CHN1: variants seen among roughly 807,000 people sequenced by gnomAD.
CHN1 encodes N-chimaerin.
Under a neutral mutation model 59.5 loss-of-function variants are expected in CHN1, and 37 were observed. The ratio of observed to expected loss-of-function variants is 0.62; its 90% CI spans 0.48 to 0.82. CHN1 has a LOEUF of 0.82. Ranked by LOEUF, CHN1 falls within the 40% of genes least tolerant of loss-of-function variation. The pLI is 0.00. For missense variants in CHN1, 469 were observed against 571.0 expected (o/e 0.82, Z 1.82); for synonymous variants, 206 against 200.4 (o/e 1.03, Z -0.24).
At chr2:174,895,452 G>A (rs1688191986) in intron 5 of CHN1, among the ~76,000 whole-genome samples, 1 of 151,978 alleles carries the variant, frequency 6.6e-6, no homozygotes, top group Non-Finnish European at 1.5e-5. Context: ...TGTTCAATGG[G>A]TACAGATTTT....
At position 175,005,161 on chromosome 2, in the gene CHN1, T is replaced by A. The variant is rs1370125539; in HGVS notation, c.-249A>T. On this transcript the variant is annotated 5_prime_UTR_variant, in exon 1 of 13. The change creates a new upstream start codon in the 5' untranslated region. Transcript: ENST00000409900. Reference sequence around the variant, plus strand: ...CCGCTAGCTCTCCGCGAGCCGGCACTTGTCGCTGCCATCAGGCGCGGAGCG... The same window carrying A: ...CCGCTAGCTCTCCGCGAGCCGGCACATGTCGCTGCCATCAGGCGCGGAGCG... The A allele has an allele frequency of 7.8e-7, 1 of 1,280,740 alleles. No individual in the cohort carries two copies. The highest frequency in any genetic ancestry group is 4.3e-5 in the Admixed American group (1 of 23,352). The allele number at this position is 1,280,740 out of a possible 1,614,324, so 79.3% of individuals were successfully genotyped here. A position where few individuals can be genotyped will look rare whatever the true frequency, so the allele number is the denominator to read the frequency against.
rs376934728 is a variant in CHN1, at chr2:174,824,426, G to A, written c.712+8C>T. The stretch of plus-strand genomic sequence containing the variant: ...GACTCAATCCAGAGACAAGACAAGA[G>A]CTCTTACCTGCACATTTCACTCCCT... On this transcript the variant is annotated splice_region_variant and intron_variant, in intron 8 of 12. Coordinates refer to ENST00000409900, the MANE Select transcript of CHN1 (RefSeq NM_001822.7). 10 of 1,593,736 alleles carry A rather than the reference G, an allele frequency of 6.3e-6. No individual in the cohort carries two copies. The highest frequency in any genetic ancestry group is 4.5e-5 in the East Asian group (2 of 44,434).
At chr2:174,922,553 T>G (rs1689044735) in intron 3 of CHN1, among the ~76,000 whole-genome samples, 1 of 152,068 alleles carries the variant, frequency 6.6e-6, no homozygotes, top group Non-Finnish European at 1.5e-5. Flanking sequence ...ATTTTTTTGG[T>G]GGTGGCACAT....
At chr2:174,944,331 C>T (rs1233246091) in intron 3 of CHN1, among the ~76,000 whole-genome samples, 1 of 152,160 alleles carries the variant, frequency 6.6e-6, no homozygotes, top group Non-Finnish European at 1.5e-5. Context: ...TGCCTGTTTC[C>T]TCACAGGCTT....
intron 6 of CHN1, among the ~76,000 whole-genome samples, chr2:174,867,978 A>C (rs1007945079): frequency 3.3e-5 from 5 of 152,228 alleles, no homozygotes; most frequent in African/African-American, 1.2e-4. Flanking sequence ...AAAAGTGTAC[A>C]TTAATCTATG....
At chr2:174,867,126 C>T (rs1687241446) in intron 6 of CHN1, among the ~76,000 whole-genome samples, 1 of 150,314 alleles carries the variant, frequency 6.7e-6, no homozygotes, top group Non-Finnish European at 1.5e-5. Context: ...GTAATCCTAG[C>T]ACTTTGGGAG....
chr2:174,957,768 C>T (rs192422242), intron 1 of CHN1, among the ~76,000 whole-genome samples: 1 of 151,880 alleles, frequency 6.6e-6, no homozygotes, highest in Non-Finnish European at 1.5e-5. Flanking sequence ...GACTGGGACC[C>T]TATCTAGTAA....
chr2:174,953,590 T>C (rs910440820), intron 1 of CHN1, among the ~76,000 whole-genome samples: 1 of 152,154 alleles, frequency 6.6e-6, no homozygotes, highest in Admixed American at 6.5e-5. Context: ...CCAAAGTTAA[T>C]GTACACAAAT....
intron 6 of CHN1, among the ~76,000 whole-genome samples, chr2:174,851,816 T>C (rs1686738140): frequency 6.6e-6 from 1 of 152,214 alleles, no homozygotes; most frequent in African/African-American, 2.4e-5. Flanking sequence ...ACTATTTCTC[T>C]TCATTGACAA....
At chr2:174,847,708 C>G in intron 6 of CHN1, 3 of 1,158,272 alleles carry the variant, frequency 2.6e-6, no homozygotes, top group Non-Finnish European at 3.5e-6. Flanking sequence ...GTACTGTATT[C>G]CTAAACTCAC....
chr2:174,942,276 C>A (rs927019198), intron 3 of CHN1, among the ~76,000 whole-genome samples: 2 of 151,924 alleles, frequency 1.3e-5, no homozygotes, highest in African/African-American at 2.4e-5. Flanking sequence ...CATCAACAGA[C>A]AAATGGATAA....
chr2:174,866,672 G>A (rs1187583640), intron 6 of CHN1, among the ~76,000 whole-genome samples: 1 of 152,136 alleles, frequency 6.6e-6, no homozygotes, highest in East Asian at 1.9e-4. Flanking sequence ...CACTGCAGAT[G>A]GAAATTATGG....
At chr2:174,870,283 C>T (rs953847773) in intron 6 of CHN1, among the ~76,000 whole-genome samples, 1 of 152,090 alleles carries the variant, frequency 6.6e-6, no homozygotes. Flanking sequence ...GAAAGAATCC[C>T]GTTACTGCAA....
In CHN1 at chr2:174,831,569, G is replaced by A. The variant is rs1387117285; in HGVS notation, c.628-7051C>T. 2.6e-5 allele frequency among the ~76,000 whole-genome samples: 4 copies of A among 152,156 alleles called. No homozygotes were observed. The South Asian group carries it at 6.2e-4, about 24-fold the overall frequency. ...TACAAGGTACAGATTGTATAATAAT[G>A]ATGAAACAATAAATATAACCATTAA... On this transcript the variant is annotated intron_variant, in intron 7 of 12. Transcript: ENST00000409900.
chr2:174,818,847 G>T (rs555527571), intron 8 of CHN1, among the ~76,000 whole-genome samples: 2 of 152,168 alleles, frequency 1.3e-5, no homozygotes, highest in African/African-American at 2.4e-5. Context: ...TTTATATCTA[G>T]AAAGCACAGA....
intron 3 of CHN1, among the ~76,000 whole-genome samples, chr2:174,928,449 G>A (rs931240846): frequency 6.6e-6 from 1 of 152,192 alleles, no homozygotes; most frequent in East Asian, 1.9e-4. Context: ...AAATAAACAC[G>A]TTAAAAGTTT....
chr2:174,881,912 A>C (rs1281429312), intron 5 of CHN1, among the ~76,000 whole-genome samples: 2 of 152,232 alleles, frequency 1.3e-5, no homozygotes, highest in African/African-American at 4.8e-5. Flanking sequence ...CAAAGGAGAA[A>C]GCTGAGAGAT....
chr2:174,822,886 C>T (rs1685548161), intron 8 of CHN1, among the ~76,000 whole-genome samples: 1 of 152,222 alleles, frequency 6.6e-6, no homozygotes, highest in African/African-American at 2.4e-5. Flanking sequence ...AACACCTTTG[C>T]ACAGCTCCAA....
At chr2:174,905,805 G>A (rs538893657) in intron 5 of CHN1, among the ~76,000 whole-genome samples, 9 of 152,048 alleles carry the variant, frequency 5.9e-5, no homozygotes, top group African/African-American at 1.4e-4. Context: ...TGATCTACCC[G>A]CTTCGGCCTC....
Sources: gnomAD v4.1 joint callset for allele counts (sites outside exome capture counted in the v4.1 genomes callset) on GRCh38, gnomAD v4.1.1 for gene constraint, MANE v1.5 for transcripts, NCBI Gene and HGNC (gene_info 2026-07-23, HGNC 2026-07-21) for gene names.